RYR3: variants seen among roughly 807,000 people sequenced by gnomAD.
The protein encoded by RYR3 is ryanodine receptor 3, also known as brain ryanodine receptor-calcium release channel.
RYR3 carries 207 observed loss-of-function variants against 584.3 expected under a neutral mutation model. The ratio of observed to expected loss-of-function variants is 0.35; its 90% CI spans 0.32 to 0.40. RYR3 has a LOEUF of 0.40. Ranked by LOEUF, RYR3 falls within the 10% of genes least tolerant of loss-of-function variation. The pLI is 1.00. For synonymous variants in RYR3, 2,416 were observed against 2,248.5 expected (o/e 1.07, Z -2.11); for missense variants, 5,616 against 6,089.2 (o/e 0.92, Z 2.59).
At chr15:33,556,224 C>G (rs1224508497) in intron 10 of RYR3, among the ~76,000 whole-genome samples, 2 of 152,152 alleles carry the variant, frequency 1.3e-5, no homozygotes, top group Non-Finnish European at 2.9e-5. Context: ...ACATTTCACT[C>G]TAATTAATAA....
chr15:33,476,270 GCATAGAAACGATAAGTCATACACT>G (rs1219297341), intron 2 of RYR3, among the ~76,000 whole-genome samples: 6 of 152,156 alleles, frequency 3.9e-5, no homozygotes, highest in Admixed American at 1.3e-4. Flanking sequence ...TATCCCTCAG[GCATAGAAACGATAAGTCATACACT>G]CATAGATGAA....
chr15:33,722,308 T>C (rs1311260278), intron 43 of RYR3, among the ~76,000 whole-genome samples: 3 of 152,210 alleles, frequency 2.0e-5, no homozygotes, highest in Non-Finnish European at 4.4e-5. Flanking sequence ...AGTAGTTTAT[T>C]AACTGCCCTC....
intron 1 of RYR3, among the ~76,000 whole-genome samples, chr15:33,374,362 GTA>G (rs1259646744): frequency 6.6e-5 from 8 of 120,340 alleles, no homozygotes; most frequent in Non-Finnish European, 1.0e-4. Context: ...CTGTACGAGT[GTA>G]TGTGTGTGTG....
At chr15:33,493,612 A>C (rs1182183155) in intron 2 of RYR3, among the ~76,000 whole-genome samples, 1 of 152,154 alleles carries the variant, frequency 6.6e-6, no homozygotes, top group East Asian at 1.9e-4. Flanking sequence ...ACCTATTGGC[A>C]CCTTAGCTTT....
intron 3 of RYR3, among the ~76,000 whole-genome samples, chr15:33,509,826 G>A (rs977827054): frequency 2.0e-5 from 3 of 152,074 alleles, no homozygotes; most frequent in Admixed American, 1.3e-4. Context: ...CCCCAGTGCC[G>A]ATGACTTTCA....
chr15:33,568,170 G>C (rs1007880157), intron 12 of RYR3, among the ~76,000 whole-genome samples: 43 of 152,298 alleles, frequency 2.8e-4, no homozygotes, highest in African/African-American at 1.0e-3. Context: ...TGGGGGAAAG[G>C]GAGAGTGACT....
chr15:33,508,385 C>A (rs900854713), intron 3 of RYR3, among the ~76,000 whole-genome samples: 1 of 152,072 alleles, frequency 6.6e-6, no homozygotes, highest in African/African-American at 2.4e-5. Flanking sequence ...CGTGGTGGCT[C>A]ACACCTGTAA....
chr15:33,401,024 A>G (rs2042627751), intron 1 of RYR3, among the ~76,000 whole-genome samples: 4 of 152,064 alleles, frequency 2.6e-5, no homozygotes, highest in African/African-American at 9.7e-5. Flanking sequence ...TGTAACATAT[A>G]TTTTCTGGTT....
chr15:33,387,736 G>T (rs1243425711), intron 1 of RYR3, among the ~76,000 whole-genome samples: 3 of 151,346 alleles, frequency 2.0e-5, no homozygotes, highest in African/African-American at 7.3e-5. Flanking sequence ...AGCAGACACT[G>T]CATCCATAGA....
intron 1 of RYR3, among the ~76,000 whole-genome samples, chr15:33,367,236 G>A (rs1278733571): frequency 6.6e-6 from 1 of 152,166 alleles, no homozygotes; most frequent in African/African-American, 2.4e-5. Flanking sequence ...CTGAAAAAAA[G>A]TTCAGAAAGT....
At chr15:33,678,807 GTTC>G (rs1263817344) in intron 38 of RYR3, among the ~76,000 whole-genome samples, 3 of 152,200 alleles carry the variant, frequency 2.0e-5, no homozygotes, top group African/African-American at 7.2e-5. Context: ...AAACAGAGCA[GTTC>G]TTCTTATCAC....
At position 33,670,506 on chromosome 15, in the gene RYR3, C is replaced by T; in HGVS notation, c.5810C>T (p.Pro1937Leu). Residue 1937 changes from proline to leucine, a missense_variant, in exon 38 of 104, where the codon CCA becomes CTA. By Grantham distance (98) the Pro-to-Leu change is moderately conservative. Around this residue, in one of 9 missense-constraint regions of RYR3, gnomAD observed 1,280 missense variants for 1,426.2 expected, o/e 0.90. Coordinates refer to ENST00000634891, the MANE Select transcript of RYR3 (RefSeq NM_001036.6). ...LCALVYKIKGPPKPEKEQPTE... is the reference protein window; with the variant it reads ...LCALVYKIKGLPKPEKEQPTE... ...GCCTTGGTTTACAAAATCAAAGGCCCACCCAAGCCAGAGAAGGAGCAGCCG... is the reference window on the plus strand; with the variant it reads ...GCCTTGGTTTACAAAATCAAAGGCCTACCCAAGCCAGAGAAGGAGCAGCCG... 2 of 1,604,260 alleles carry T rather than the reference C, an allele frequency of 1.2e-6. No homozygotes were observed. The highest frequency in any genetic ancestry group is 1.7e-6 in the Non-Finnish European group (2 of 1,177,158).
intron 1 of RYR3, among the ~76,000 whole-genome samples, chr15:33,364,105 A>G (rs967045399): frequency 1.3e-5 from 2 of 152,220 alleles, no homozygotes; most frequent in African/African-American, 4.8e-5. Flanking sequence ...AACTTCTTAT[A>G]TTGAATACAT....
chr15:33,700,417 T>C (rs767915038), intron 41 of RYR3, among the ~76,000 whole-genome samples: 6 of 152,230 alleles, frequency 3.9e-5, no homozygotes, highest in Non-Finnish European at 8.8e-5. Flanking sequence ...ATGTGTGTAA[T>C]ACACAAATAC....
Position 33,652,748 on chromosome 15 carries a change from G to C in RYR3, c.4173G>C (p.Trp1391Cys), listed in dbSNP as rs772971873. The C allele has an allele frequency of 6.2e-7, 1 of 1,613,754 alleles. No homozygotes were observed. Among genetic ancestry groups the C allele is most frequent in the Non-Finnish European group, 8.5e-7 (1 of 1,179,786 alleles). Reference protein sequence around the residue: ...SVKRSNCYMVWGGDIVASSQR... With the variant: ...SVKRSNCYMVCGGDIVASSQR... ...AACGCAGCAACTGCTACATGGTCTG[G>C]GGTGGAGACATTGTAGCCAGTTCCC... The change falls in exon 32 of 104, where the codon TGG becomes TGC. Residue 1391 changes from tryptophan to cysteine, a missense_variant. Trp to Cys is a radical substitution (Grantham distance 215, BLOSUM62 -2). Transcript: ENST00000634891.
chr15:33,586,031 A>G lies in RYR3; in HGVS notation c.1703A>G (p.Glu568Gly). 1.2e-6 allele frequency: 2 copies of G among 1,613,436 alleles called. No individual in the cohort carries two copies. Among genetic ancestry groups the G allele is most frequent in the Non-Finnish European group, 8.5e-7 (1 of 1,179,450 alleles). The part of the protein sequence containing the change: ...ILEVLHCILT[E>G]SPEALNLIAE... ...GAAGTTTTGCACTGCATCTTAACTG[A>G]AAGCCCAGAAGCCTTAAATCTGATA... Residue 568 changes from glutamate to glycine, a missense_variant, in exon 16 of 104, where the codon GAA (glutamate) becomes GGA (glycine). Glu to Gly is a moderately conservative substitution (Grantham distance 98). Coordinates refer to ENST00000634891, the MANE Select transcript of RYR3 (RefSeq NM_001036.6).
rs2063718205 is a variant in RYR3, at chr15:33,669,848, G to GT, written c.5722+392_5722+393insT. ...CTATTAGGGGTGTGTGTGTGTGGGG[G>GT]GGGGGGGGGGTGTGGGTGTGTGGGT... is the stretch of plus-strand genomic sequence containing the variant. On this transcript the variant is annotated intron_variant, in intron 37 of 103. Transcript: ENST00000634891. Among the ~76,000 whole-genome samples the GT allele has an allele frequency of 1.2e-4, 6 of 51,882 alleles. 1 individual carries two copies. The highest frequency in any genetic ancestry group is 2.7e-4 in the African/African-American group (5 of 18,610). The allele number at this position is 51,882 out of a possible 152,430, so 34.0% of individuals were successfully genotyped here.
At chr15:33,465,933 C>T (rs1349612609) in intron 1 of RYR3, among the ~76,000 whole-genome samples, 1 of 152,054 alleles carries the variant, frequency 6.6e-6, no homozygotes, top group Non-Finnish European at 1.5e-5. Flanking sequence ...CTCAAGCAAC[C>T]CCAGAGAATA....
intron 1 of RYR3, among the ~76,000 whole-genome samples, chr15:33,326,457 A>G (rs1969712704): frequency 6.6e-6 from 1 of 152,224 alleles, no homozygotes; most frequent in Admixed American, 6.5e-5. Context: ...AAGAAAGCAG[A>G]ACAAAAATGT....
Sources: gnomAD v4.1 joint callset for allele counts (sites outside exome capture counted in the v4.1 genomes callset) on GRCh38, gnomAD v4.1.1 for gene constraint, gnomAD v4.1.1 regional missense constraint, MANE v1.5 for transcripts, NCBI Gene and HGNC (gene_info 2026-07-23, HGNC 2026-07-21) for gene names.